The following CFAP74 variants were observed in gnomAD, a reference collection of about 807,000 sequenced individuals.
CFAP74 encodes the protein cilia and flagella associated protein 74, also known as cilia- and flagella-associated protein 74.
CFAP74 carries 124 observed loss-of-function variants against 188.9 expected under a neutral mutation model. The observed-to-expected ratio is 0.66, with a 90% CI of 0.57 to 0.76. CFAP74 has a LOEUF of 0.76. CFAP74 is among the 30% of genes least tolerant of loss of function. The probability of loss-of-function intolerance (pLI) is 0.00; values close to 1 mark genes in which losing one functional copy is unlikely to be tolerated. For synonymous variants in CFAP74, 956 were observed against 916.7 expected, an observed-to-expected ratio of 1.04 and a Z score of -0.77; for missense variants, 2,198 against 2,165.2, an observed-to-expected ratio of 1.02 and a Z score of -0.30.
chr1:1,998,134 C>T (rs777876487), intron 1 of CFAP74, among the ~76,000 whole-genome samples: 1 of 152,008 alleles, frequency 6.6e-6, no homozygotes, highest in Non-Finnish European at 1.5e-5. Flanking sequence ...AAAAATTAGC[C>T]GAGTGTGGTG....
chr1:1,994,419 T>C (rs1230451528), intron 1 of CFAP74, among the ~76,000 whole-genome samples: 1 of 152,188 alleles, frequency 6.6e-6, no homozygotes, highest in Non-Finnish European at 1.5e-5. Flanking sequence ...CTAGCAATGT[T>C]TCTTGGATAA....
Position 1,963,847 on chromosome 1 carries a change from C to T in CFAP74, c.1596G>A (p.Val532=). Residue 532 remains valine (V), a synonymous_variant, in exon 14 of 39, where the codon GTG becomes GTA. Transcript: ENST00000682832. ...TTACCAACGTGATCTTTTTCTTGTA[C>T]ACTTTGCCAATATCAAAGTCCTGGG... The part of the protein sequence containing the change: ...LHFQDFDIGK[V]YKKKITLVNT... 1.2e-6 allele frequency: 2 copies of T among 1,613,614 alleles called. No homozygotes were observed. The highest frequency in any genetic ancestry group is 1.7e-4 in the Middle Eastern group (1 of 6,054).
intron 24 of CFAP74, 63 bp from the exon 25 acceptor site, chr1:1,939,051 A>T: frequency 6.8e-7 from 1 of 1,480,570 alleles, no homozygotes. Flanking sequence ...CACGTGCGGC[A>T]GGGCCGTGAG....
chr1:1,935,119 T>C (rs1206423564), intron 25 of CFAP74, among the ~76,000 whole-genome samples: 2 of 79,326 alleles, frequency 2.5e-5, no homozygotes, highest in East Asian at 5.4e-4. Flanking sequence ...GGGTGTTAGG[T>C]TGTAGGTACA....
rs1195790060 is a variant in CFAP74, at chr1:1,988,538, C to T, written c.270G>A (p.Glu90=). 3 of 1,612,994 alleles carry T rather than the reference C, an allele frequency of 1.9e-6. No individual in the cohort carries two copies. Among genetic ancestry groups the T allele is most frequent in the Non-Finnish European group, 2.5e-6 (3 of 1,180,018 alleles). Reference sequence around the variant, plus strand: ...TCATCTTCTCAGTGAAAAGCTCTTGCTCCTCATGCATCTTATCCAGGGCGC... The same window carrying T: ...TCATCTTCTCAGTGAAAAGCTCTTGTTCCTCATGCATCTTATCCAGGGCGC... ...NLSALDKMHE[E]QELFTEKMRG... is the part of the protein sequence containing the mutation. Residue 90 remains glutamate, a synonymous_variant, in exon 4 of 39, where the codon GAG becomes GAA. Transcript: ENST00000682832.
At chr1:1,972,561 G>A (rs1311409909) in intron 8 of CFAP74, among the ~76,000 whole-genome samples, 3 of 152,218 alleles carry the variant, frequency 2.0e-5, no homozygotes, top group Non-Finnish European at 4.4e-5. Context: ...AATAAAATCA[G>A]GAGGCTGGGT....
intron 27 of CFAP74, among the ~76,000 whole-genome samples, chr1:1,928,513 C>G (rs971312079): frequency 6.6e-6 from 1 of 152,220 alleles, no homozygotes; most frequent in African/African-American, 2.4e-5. Flanking sequence ...ATTGCATCCG[C>G]TGCACCCCTG....
Position 1,932,223 on chromosome 1 carries a change from C to T in CFAP74, c.3012-1887G>A, listed in dbSNP as rs1437341103. ...CATCCTGGCTAACATGGTGAAACCCCGTCTCTACTAAAAATACACAAAAAT... is the reference window on the plus strand; with the variant it reads ...CATCCTGGCTAACATGGTGAAACCCTGTCTCTACTAAAAATACACAAAAAT... On this transcript the variant is annotated intron_variant, in intron 25 of 38. Coordinates refer to ENST00000682832, the MANE Select transcript of CFAP74 (RefSeq NM_001304360.2). 4.6e-5 allele frequency among the ~76,000 whole-genome samples: 7 copies of T among 151,444 alleles called. No individual in the cohort carries two copies. The East Asian group carries it at 5.9e-4, about 13-fold the overall frequency.
chr1:1,994,558 T>G (rs1272082594), intron 1 of CFAP74, among the ~76,000 whole-genome samples: 1 of 152,206 alleles, frequency 6.6e-6, no homozygotes, highest in Non-Finnish European at 1.5e-5. Flanking sequence ...TTGAAAGAAC[T>G]GATTAAGCTG....
intron 6 of CFAP74, among the ~76,000 whole-genome samples, chr1:1,976,466 C>T (rs76267977): frequency 0.02 from 2,980 of 152,214 alleles, 109 homozygotes; most frequent in African/African-American, 0.067. Context: ...AGAGGCTTCC[C>T]GAGGCGCCCC....
In CFAP74 at chr1:1,975,847, G is replaced by A. The variant is rs1042731334; in HGVS notation, c.501-1649C>T. On this transcript the variant is annotated intron_variant, in intron 6 of 38. Coordinates refer to ENST00000682832, the MANE Select transcript of CFAP74 (RefSeq NM_001304360.2). The surrounding 1 kb of genome is among the most constrained non-coding windows in gnomAD (Gnocchi z 4.5). ...CCCGGTGATCAGTGCTCCAGTGGCC[G>A]TGGGAGCTAACAGCCTGCAGGGTCT... 1.3e-5 allele frequency among the ~76,000 whole-genome samples: 2 copies of A among 152,226 alleles called. No individual in the cohort carries two copies. Among genetic ancestry groups the A allele is most frequent in the East Asian group, 3.8e-4 (2 of 5,204 alleles).
chr1:1,978,128 G>A (rs987058368), intron 6 of CFAP74, among the ~76,000 whole-genome samples: 3 of 152,058 alleles, frequency 2.0e-5, no homozygotes, highest in Admixed American at 6.5e-5. Context: ...GATTACAGGC[G>A]TGAGCCACTG....
intron 8 of CFAP74, among the ~76,000 whole-genome samples, chr1:1,972,324 C>G (rs926010581): frequency 6.6e-6 from 1 of 152,198 alleles, no homozygotes; most frequent in African/African-American, 2.4e-5. Flanking sequence ...TCATTTCCAC[C>G]AGGAATGTGA....
Position 1,923,766 on chromosome 1 carries a change from G to C in CFAP74, c.4389+9C>G. 1 of 1,613,260 alleles carries C rather than the reference G, an allele frequency of 6.2e-7. No homozygotes were observed. Among genetic ancestry groups the C allele is most frequent in the South Asian group, 1.1e-5 (1 of 91,082 alleles). On this transcript the variant is annotated intron_variant, in intron 35 of 38. Coordinates refer to ENST00000682832, the MANE Select transcript of CFAP74 (RefSeq NM_001304360.2). This position sits in a 1 kb window ranked among gnomAD's most constrained non-coding sequence, Gnocchi z 6.3. ...GGGCCGGGCTGAGCTTGCAGAGCCAGAGCCGCACCTTTTCAAAGAGCACCA... is the reference window on the plus strand; with the variant it reads ...GGGCCGGGCTGAGCTTGCAGAGCCACAGCCGCACCTTTTCAAAGAGCACCA...
rs778669219 is a variant in CFAP74, at chr1:1,937,798, ACTGG to A, written c.3011+1053_3011+1056del. Reference sequence around the variant, plus strand: ...CCCTCAGGCTCAGGGAGGTGCAGAGACTGGCTGGTCGCACAAGACCTCAGAGCAC... The same window carrying A: ...CCCTCAGGCTCAGGGAGGTGCAGAGACTGGTCGCACAAGACCTCAGAGCAC... On this transcript the variant is annotated intron_variant, in intron 25 of 38. Transcript: ENST00000682832. Among the ~76,000 whole-genome samples, 19 of 152,170 alleles carry A rather than the reference ACTGG, an allele frequency of 1.2e-4. No individual in the cohort carries two copies. In the East Asian group the frequency reaches 1.5e-3, roughly 12 times the overall value.
intron 6 of CFAP74, among the ~76,000 whole-genome samples, chr1:1,981,476 T>C (rs1281166762): frequency 1.4e-5 from 1 of 69,114 alleles, no homozygotes; most frequent in Non-Finnish European, 2.9e-5. Flanking sequence ...CCAGCCGCGG[T>C]CACACGCGGG....
intron 25 of CFAP74, among the ~76,000 whole-genome samples, chr1:1,938,272 CACAT>C (rs1653073670): frequency 6.6e-6 from 1 of 151,660 alleles, no homozygotes; most frequent in African/African-American, 2.4e-5. Context: ...CTTACACACC[CACAT>C]ACATGCACTC....
intron 19 of CFAP74, 105 bp downstream of exon 19, chr1:1,946,885 G>T: frequency 1.1e-6 from 1 of 874,808 alleles, no homozygotes; most frequent in Non-Finnish European, 1.8e-6. Context: ...AAACGCAAGG[G>T]CCACCTAGCA....
At chr1:1,936,005 G>A (rs1652864193) in intron 25 of CFAP74, among the ~76,000 whole-genome samples, 1 of 149,390 alleles carries the variant, frequency 6.7e-6, no homozygotes, top group South Asian at 2.1e-4. Context: ...ATCACCTGAG[G>A]TCAGGAGTTT....
Sources: gnomAD v4.1 joint callset for allele counts (sites outside exome capture counted in the v4.1 genomes callset) on GRCh38, gnomAD v4.1.1 for gene constraint, Gnocchi (gnomAD v3.1) non-coding constraint, MANE v1.5 for transcripts, NCBI Gene and HGNC (gene_info 2026-07-23, HGNC 2026-07-21) for gene names.